Variants in LOC128462377 observed in about 807,000 individuals in gnomAD.
At chr16:89,379,365 A>G in the LOC128462377 span, among the ~76,000 whole-genome samples, 1 of 152,242 alleles carries the variant, frequency 6.6e-6, no homozygotes, top group Non-Finnish European at 1.5e-5. Context: ...GTTACCAGTG[A>G]ACGGGGCTTT....
At chr16:89,367,019 T>C in the LOC128462377 span, among the ~76,000 whole-genome samples, 1 of 152,160 alleles carries the variant, frequency 6.6e-6, no homozygotes, top group African/African-American at 2.4e-5. Flanking sequence ...GCTTTGCCAG[T>C]GTGCAGGCTG....
At chr16:89,376,009 A>G in the LOC128462377 span, among the ~76,000 whole-genome samples, 4 of 152,212 alleles carry the variant, frequency 2.6e-5, no homozygotes, top group Admixed American at 2.6e-4. Context: ...ATCCAGCAGA[A>G]GGGCCATCAC....
At chr16:89,360,995 T>A in the LOC128462377 span, among the ~76,000 whole-genome samples, 2 of 152,134 alleles carry the variant, frequency 1.3e-5, no homozygotes, top group Non-Finnish European at 2.9e-5. Context: ...TCCAGATGGA[T>A]CCGATCCAAC....
At chr16:89,391,063 C>T in the LOC128462377 span, among the ~76,000 whole-genome samples, 9 of 151,964 alleles carry the variant, frequency 5.9e-5, no homozygotes, top group Non-Finnish European at 1.2e-4. Flanking sequence ...CCCATCTCTA[C>T]TAAAAATACA....
chr16:89,353,925 A>G, the LOC128462377 span, among the ~76,000 whole-genome samples: 2 of 152,242 alleles, frequency 1.3e-5, no homozygotes, highest in African/African-American at 4.8e-5. Flanking sequence ...TGTCTGCCAC[A>G]GGGTGAGGGG....
At chr16:89,370,468 A>G in the LOC128462377 span, among the ~76,000 whole-genome samples, 1 of 152,162 alleles carries the variant, frequency 6.6e-6, no homozygotes, top group Non-Finnish European at 1.5e-5. Context: ...CTCCTGCAAG[A>G]TGACACCCAG....
chr16:89,335,562 C>T, the LOC128462377 span, among the ~76,000 whole-genome samples: 40 of 152,350 alleles, frequency 2.6e-4, no homozygotes, highest in African/African-American at 9.6e-4. Flanking sequence ...CCTCAGGACC[C>T]TGTAGCAGAA....
chr16:89,338,943 T>C, the LOC128462377 span, among the ~76,000 whole-genome samples: 1 of 152,090 alleles, frequency 6.6e-6, no homozygotes, highest in East Asian at 1.9e-4. Flanking sequence ...TTTAAACCCA[T>C]AATGAAAGCA....
the LOC128462377 span, among the ~76,000 whole-genome samples, chr16:89,354,910 T>G: frequency 6.6e-6 from 1 of 152,110 alleles, no homozygotes; most frequent in Admixed American, 6.5e-5. Context: ...GTGAGTGGCC[T>G]GGAAGCTCGT....
the LOC128462377 span, among the ~76,000 whole-genome samples, chr16:89,415,140 G>C: frequency 6.6e-6 from 1 of 151,722 alleles, no homozygotes; most frequent in Non-Finnish European, 1.5e-5. Flanking sequence ...TTTTTGTAGA[G>C]ATGCGGTCTC....
At chr16:89,349,934 G>A in the LOC128462377 span, among the ~76,000 whole-genome samples, 2 of 146,124 alleles carry the variant, frequency 1.4e-5, no homozygotes, top group Admixed American at 1.4e-4. Flanking sequence ...CAAATAGCTG[G>A]TAAAGGACCT....
the LOC128462377 span, chr16:89,361,416 C>A: frequency 6.6e-6 from 1 of 152,310 alleles, no homozygotes; most frequent in Non-Finnish European, 1.5e-5. Flanking sequence ...CTCATTCAGG[C>A]CAGGTGACTG....
chr16:89,352,076 G>C, the LOC128462377 span, among the ~76,000 whole-genome samples: 7 of 151,152 alleles, frequency 4.6e-5, no homozygotes, highest in South Asian at 1.5e-3. Context: ...TTTGTGTAGA[G>C]GCGGGGGTTT....
At chr16:89,395,353 C>G in the LOC128462377 span, among the ~76,000 whole-genome samples, 1 of 152,218 alleles carries the variant, frequency 6.6e-6, no homozygotes, top group African/African-American at 2.4e-5. Flanking sequence ...TGACGGCAAG[C>G]TGTTACATAA....
the LOC128462377 span, among the ~76,000 whole-genome samples, chr16:89,376,303 C>T: frequency 0.61 from 92,334 of 152,016 alleles, 28,202 homozygotes; most frequent in Middle Eastern, 0.75. Flanking sequence ...GATGGTTTGA[C>T]AGTTTTAGAA....
the LOC128462377 span, among the ~76,000 whole-genome samples, chr16:89,326,863 G>A: frequency 1.3e-5 from 2 of 152,238 alleles, no homozygotes; most frequent in Non-Finnish European, 2.9e-5. Context: ...CCCGCCAGGG[G>A]CTGCTGGTGG....
At chr16:89,408,004 T>C in the LOC128462377 span, among the ~76,000 whole-genome samples, 3 of 152,152 alleles carry the variant, frequency 2.0e-5, no homozygotes, top group Non-Finnish European at 2.9e-5. Context: ...AAAATCACTG[T>C]GGTCACTCCC....
At chr16:89,371,405 A>G in the LOC128462377 span, among the ~76,000 whole-genome samples, 1 of 152,346 alleles carries the variant, frequency 6.6e-6, no homozygotes, top group African/African-American at 2.4e-5. Flanking sequence ...CATTCCCTGC[A>G]CAGACAGGTG....
chr16:89,407,204 G>A, the LOC128462377 span, among the ~76,000 whole-genome samples: 1 of 151,220 alleles, frequency 6.6e-6, no homozygotes, highest in Non-Finnish European at 1.5e-5. Flanking sequence ...AAAAAAAAAA[G>A]AACACGCAGA....
Sources: allele counts gnomAD v4.1 joint callset (sites outside exome capture counted in the v4.1 genomes callset), GRCh38; gene constraint gnomAD v4.1.1; transcripts MANE v1.5.